Variants in CECR2 observed in about 807,000 individuals in gnomAD.
CECR2 encodes the protein chromatin remodeling regulator CECR2.
In CECR2, 30 loss-of-function variants were observed where a neutral mutation model predicts 154.5. The observed-to-expected ratio is 0.19, with a 90% CI of 0.15 to 0.26. The LOEUF is 0.26. Among genes scored for constraint, CECR2 ranks in the 10% least tolerant of loss-of-function variants. The probability of loss-of-function intolerance (pLI) is 1.00; values close to 1 mark genes in which losing one functional copy is unlikely to be tolerated. For synonymous variants in CECR2, 725 were observed against 683.7 expected (o/e 1.06, Z -0.94); for missense variants, 1,743 against 1,829.3 (o/e 0.95, Z 0.86).
chr22:17,407,449 G>A (rs748823807), intron 1 of CECR2, among the ~76,000 whole-genome samples: 9 of 152,156 alleles, frequency 5.9e-5, no homozygotes, highest in East Asian at 1.9e-4. Flanking sequence ...CACAAAATTC[G>A]CCAGGCACGG....
At chr22:17,390,991 C>G (rs547347697) in intron 1 of CECR2, among the ~76,000 whole-genome samples, 1 of 152,108 alleles carries the variant, frequency 6.6e-6, no homozygotes, top group African/African-American at 2.4e-5. Flanking sequence ...TGAACCCCTG[C>G]GTACCCTTTA....
At chr22:17,517,588 G>T (rs1312908887) in intron 8 of CECR2, among the ~76,000 whole-genome samples, 1 of 152,148 alleles carries the variant, frequency 6.6e-6, no homozygotes, top group Admixed American at 6.5e-5. Flanking sequence ...TACAAATTTA[G>T]CTTGGGTCTT....
At chr22:17,540,938 A>C in intron 14 of CECR2, 138 bp downstream of exon 14, 1 of 973,538 alleles carries the variant, frequency 1.0e-6, no homozygotes, top group South Asian at 2.5e-5. Context: ...TCCTTTGTTC[A>C]TGTGATTTTA....
intron 8 of CECR2, among the ~76,000 whole-genome samples, chr22:17,520,149 C>T (rs2056131966): frequency 6.6e-6 from 1 of 152,164 alleles, no homozygotes; most frequent in Admixed American, 6.6e-5. Context: ...CTTGCATTTG[C>T]TCAGTCCTTA....
At chr22:17,447,033 C>CTTTTTTTTTTTTTTTTTTTTTTT (rs1555910503) in intron 1 of CECR2, among the ~76,000 whole-genome samples, 3 of 114,102 alleles carry the variant, frequency 2.6e-5, no homozygotes, top group African/African-American at 1.1e-4. Context: ...CGTTTACAAT[C>CTTTTTTTTTTTTTTTTTTTTTTT]TTTTTTTTTT....
Position 17,549,392 on chromosome 22 carries a change from G to A in CECR2, c.4105G>A (p.Ala1369Thr), listed in dbSNP as rs1446883743. Residue 1369 changes from alanine (A) to threonine (T), a missense_variant, in exon 17 of 19, where the codon GCC (alanine) becomes ACC (threonine). Coordinates refer to ENST00000262608, the MANE Select transcript of CECR2 (RefSeq NM_001290047.2). ...CAGGGCTTACTCTTCCCCTGTGGCT[G>A]CCCTCCCACCTCACCACCCAGGGGC... is the stretch of plus-strand genomic sequence containing the variant. ...QPRAYSSPVA[A>T]LPPHHPGATQ... 1.2e-6 allele frequency: 2 copies of A among 1,613,846 alleles called. No individual in the cohort carries two copies. The highest frequency in any genetic ancestry group is 1.7e-6 in the Non-Finnish European group (2 of 1,179,862).
At chr22:17,431,821 A>G (rs2054428661) in intron 1 of CECR2, among the ~76,000 whole-genome samples, 2 of 152,144 alleles carry the variant, frequency 1.3e-5, no homozygotes, top group African/African-American at 2.4e-5. Flanking sequence ...AAACCGTACA[A>G]TTAACTCATT....
intron 6 of CECR2, 88 bp from the exon 7 acceptor site, chr22:17,504,759 A>G: frequency 8.0e-7 from 1 of 1,254,386 alleles, no homozygotes; most frequent in Non-Finnish European, 1.1e-6. Flanking sequence ...TATTTTAGTC[A>G]TGACCCACAG....
chr22:17,389,005 G>A (rs1431874257), intron 1 of CECR2, among the ~76,000 whole-genome samples: 1 of 152,068 alleles, frequency 6.6e-6, no homozygotes, highest in Non-Finnish European at 1.5e-5. Flanking sequence ...TAGAGACGGG[G>A]TTTCACCATG....
intron 5 of CECR2, among the ~76,000 whole-genome samples, chr22:17,501,507 G>A (rs1204332850): frequency 2.6e-5 from 4 of 151,714 alleles, no homozygotes; most frequent in African/African-American, 4.8e-5. Context: ...GCAGTGAGCC[G>A]AGATTATGCC....
chr22:17,420,622 G>T (rs2054231620), intron 1 of CECR2, among the ~76,000 whole-genome samples: 1 of 151,960 alleles, frequency 6.6e-6, no homozygotes, highest in South Asian at 2.1e-4. Flanking sequence ...TTAGTGGATT[G>T]AGTCCACTTT....
chr22:17,384,316 T>C (rs2063234939), intron 1 of CECR2, among the ~76,000 whole-genome samples: 1 of 152,176 alleles, frequency 6.6e-6, no homozygotes, highest in African/African-American at 2.4e-5. Flanking sequence ...CTTCCTGGCC[T>C]CACGCAGTTC....
At chr22:17,393,800 G>C (rs1307602466) in intron 1 of CECR2, among the ~76,000 whole-genome samples, 1 of 152,076 alleles carries the variant, frequency 6.6e-6, no homozygotes, top group Non-Finnish European at 1.5e-5. Context: ...ATATTGTGTG[G>C]AGAAATGTCT....
intron 17 of CECR2, among the ~76,000 whole-genome samples, chr22:17,551,539 A>C (rs1053707845): frequency 1.2e-4 from 18 of 151,814 alleles, no homozygotes; most frequent in African/African-American, 4.4e-4. Flanking sequence ...TGCCAGGTGC[A>C]GTGGTTCATA....
chr22:17,488,387 TCA>T (rs1332313408), intron 2 of CECR2, among the ~76,000 whole-genome samples: 5 of 152,232 alleles, frequency 3.3e-5, no homozygotes, highest in Admixed American at 6.5e-5. Context: ...CACCACATAG[TCA>T]CTATCCTACT....
intron 10 of CECR2, among the ~76,000 whole-genome samples, chr22:17,537,988 C>G (rs746230721): frequency 6.4e-4 from 93 of 145,972 alleles, no homozygotes; most frequent in Non-Finnish European, 1.2e-3. Flanking sequence ...AGTGAGACTC[C>G]GTCCAAAAAA....
chr22:17,550,694 G>C (rs1319608960), intron 17 of CECR2, among the ~76,000 whole-genome samples: 1 of 152,190 alleles, frequency 6.6e-6, no homozygotes, highest in African/African-American at 2.4e-5. Context: ...TGTAATCCCA[G>C]CACTTCGGGA....
intron 1 of CECR2, among the ~76,000 whole-genome samples, chr22:17,380,866 C>A (rs1245691976): frequency 1.3e-5 from 2 of 152,190 alleles, no homozygotes; most frequent in South Asian, 2.1e-4. Flanking sequence ...AACAGCCCTA[C>A]CCTGAGTGTT....
intron 1 of CECR2, among the ~76,000 whole-genome samples, chr22:17,385,734 T>G (rs111913857): frequency 7.2e-5 from 11 of 152,146 alleles, no homozygotes; most frequent in African/African-American, 2.6e-4. Flanking sequence ...ACTCGCAGGG[T>G]CGGCACGAAA....
Sources: allele counts gnomAD v4.1 joint callset (sites outside exome capture counted in the v4.1 genomes callset), GRCh38; gene constraint gnomAD v4.1.1; transcripts MANE v1.5; gene names NCBI Gene and HGNC (gene_info 2026-07-23, HGNC 2026-07-21).